The following TRAPPC2 variants were observed in gnomAD, a reference collection of about 807,000 sequenced individuals.
TRAPPC2 encodes the protein sedlin.
A neutral mutation model predicts 10.0 loss-of-function variants in TRAPPC2; 4 were observed. That is an observed-to-expected ratio of 0.40 (90% CI 0.20 to 0.92). The LOEUF is 0.92. Ranked by LOEUF, TRAPPC2 falls within the 40% of genes least tolerant of loss-of-function variation. The pLI, the probability that TRAPPC2 is intolerant of heterozygous loss-of-function variation, is 0.35. For missense variants in TRAPPC2, 52 were observed against 108.7 expected (o/e 0.48, Z 2.32); for synonymous variants, 36 against 37.3 (o/e 0.97, Z 0.12).
At chrX:13,729,043 A>G (rs2046615364) in intron 2 of TRAPPC2, among the ~76,000 whole-genome samples, 1 of 111,872 alleles carries the variant, frequency 8.9e-6, no homozygotes, top group African/African-American at 3.3e-5. Context: ...CTTACAAGGG[A>G]CGTGAAGGAC....
intron 2 of TRAPPC2, 117 bp from the exon 3 acceptor site, chrX:13,720,099 C>G: frequency 2.0e-6 from 1 of 505,940 alleles, no homozygotes; most frequent in Non-Finnish European, 3.0e-6. Flanking sequence ...GAGGAAGATG[C>G]TACTAAGCTT....
At chrX:13,716,339 CTT>C in intron 4 of TRAPPC2, 193 bp downstream of exon 4, 1 of 574,368 alleles carries the variant, frequency 1.7e-6, no homozygotes, top group South Asian at 3.2e-5. Flanking sequence ...GTGTATGAGA[CTT>C]AGTTTTAAAA....
chrX:13,718,089 C>G (rs911748885), intron 3 of TRAPPC2, among the ~76,000 whole-genome samples: 6 of 112,399 alleles, frequency 5.3e-5, no homozygotes, highest in Non-Finnish European at 1.1e-4. Flanking sequence ...AGCATGGCCC[C>G]ACTGACACCT....
chrX:13,714,143 G>GAAAAAAAAAAAAAAA lies in TRAPPC2; in HGVS notation c.*249_*263dup, dbSNP rs1057515794. 2 of 57,932 alleles carry GAAAAAAAAAAAAAAA rather than the reference G, an allele frequency of 3.5e-5. No individual in the cohort carries two copies. The highest frequency in any genetic ancestry group is 3.1e-5 in the Non-Finnish European group (1 of 31,781). The allele number at this position is 57,932 out of a possible 1,213,427, so 4.8% of individuals were successfully genotyped here. A position where few individuals can be genotyped will look rare whatever the true frequency, so the allele number is the denominator to read the frequency against. On this transcript the variant is annotated 3_prime_UTR_variant, in exon 6 of 6. Coordinates refer to ENST00000380579, the MANE Select transcript of TRAPPC2 (RefSeq NM_001011658.4). ...GGCAACAGAGTGAGACTCTGTATCA[G>GAAAAAAAAAAAAAAA]AAAAAAAAAAAAAAAAAAAACATGA...
chrX:13,721,083 A>G (rs1270325921), intron 2 of TRAPPC2: 1 of 109,201 alleles, frequency 9.2e-6, no homozygotes, highest in Admixed American at 9.8e-5. Flanking sequence ...AACTGGGGGG[A>G]AAAATATAAG....
chrX:13,719,554 C>T (rs1042945119), intron 3 of TRAPPC2, among the ~76,000 whole-genome samples: 1 of 111,993 alleles, frequency 8.9e-6, no homozygotes, highest in Admixed American at 9.5e-5. Flanking sequence ...ACAGCCTGGA[C>T]TTTCATGGTA....
In TRAPPC2 at chrX:13,714,510, G is replaced by C. The variant is rs2046258770; in HGVS notation, c.325-5C>G. Reference sequence around the variant, plus strand: ...ATAAAATGGATTCATTGAAAACTAGGAAAGAAGAAAGTATTAGTGAAGCAA... The same window carrying C: ...ATAAAATGGATTCATTGAAAACTAGCAAAGAAGAAAGTATTAGTGAAGCAA... On this transcript the variant is annotated splice_region_variant and splice_polypyrimidine_tract_variant and intron_variant, in intron 5 of 5. Coordinates refer to ENST00000380579, the MANE Select transcript of TRAPPC2 (RefSeq NM_001011658.4). 1 of 1,022,879 alleles carries C rather than the reference G, an allele frequency of 9.8e-7. No homozygotes were observed. Among genetic ancestry groups the C allele is most frequent in the Non-Finnish European group, 1.3e-6 (1 of 754,408 alleles). 84.3% of individuals were successfully genotyped at this position (1,022,879 alleles called of 1,213,427 possible). A position where few individuals can be genotyped will look rare whatever the true frequency, so the allele number is the denominator to read the frequency against.
chrX:13,717,260 GTGA>G (rs766571741), intron 3 of TRAPPC2, among the ~76,000 whole-genome samples: 1 of 110,853 alleles, frequency 9.0e-6, no homozygotes, highest in East Asian at 2.8e-4. Flanking sequence ...GTAGTGGGAG[GTGA>G]TGCTCAGCCC....
At chrX:13,717,380 T>C (rs2046318880) in intron 3 of TRAPPC2, among the ~76,000 whole-genome samples, 2 of 112,227 alleles carry the variant, frequency 1.8e-5, no homozygotes, top group Admixed American at 1.9e-4. Context: ...GGTGGGACTG[T>C]CTGACCATAA....
At chrX:13,721,004 G>C (rs1247166708) in intron 2 of TRAPPC2, 3 of 93,440 alleles carry the variant, frequency 3.2e-5, no homozygotes, top group African/African-American at 1.2e-4. Flanking sequence ...TCCAGTCTAA[G>C]TGACAAAATG....
chrX:13,716,726 C>T (rs763308971), intron 3 of TRAPPC2, 48 bp from the exon 4 acceptor site: 15 of 1,176,665 alleles, frequency 1.3e-5, no homozygotes, highest in Middle Eastern at 2.3e-4. Context: ...CATATGGCAT[C>T]GAGAATGCTG....
chrX:13,733,461 C>A (rs770398707), intron 2 of TRAPPC2, among the ~76,000 whole-genome samples: 15 of 112,117 alleles, frequency 1.3e-4, no homozygotes, highest in African/African-American at 4.5e-4. Flanking sequence ...GCAACCACTA[C>A]CCATCCTTTA....
chrX:13,728,041 C>G (rs1341222338), intron 2 of TRAPPC2, among the ~76,000 whole-genome samples: 2 of 112,074 alleles, frequency 1.8e-5, no homozygotes, highest in Non-Finnish European at 3.8e-5. Flanking sequence ...TCTCCCAAGG[C>G]TAAACCAGGA....
chrX:13,728,904 C>T (rs928247107), intron 2 of TRAPPC2, among the ~76,000 whole-genome samples: 11 of 112,133 alleles, frequency 9.8e-5, no homozygotes, highest in Admixed American at 9.4e-5. Context: ...TCAGCAAAGT[C>T]GCAGGATACA....
intron 2 of TRAPPC2, among the ~76,000 whole-genome samples, chrX:13,722,541 C>T (rs1362892569): frequency 9.0e-6 from 1 of 111,359 alleles, no homozygotes; most frequent in Non-Finnish European, 1.9e-5. Flanking sequence ...TCAGTTCTGC[C>T]AAGGAAAAAC....
At chrX:13,727,759 C>T (rs1569086073) in intron 2 of TRAPPC2, among the ~76,000 whole-genome samples, 1 of 111,805 alleles carries the variant, frequency 8.9e-6, no homozygotes, top group East Asian at 2.8e-4. Context: ...CAGAGCAGAA[C>T]TGAAAGAGAT....
Position 13,729,769 on chromosome X carries a change from G to A in TRAPPC2, c.-20+4275C>T, listed in dbSNP as rs374519388. Among the ~76,000 whole-genome samples the A allele has an allele frequency of 1.4e-4, 16 of 111,302 alleles. No homozygotes were observed. The East Asian group carries it at 2.3e-3, about 16-fold the overall frequency. ...ACTAAAAATACAAACTTAGCCGGGCGTGGTGGCACATGCCTGTAATCCCTG... is the reference window on the plus strand; with the variant it reads ...ACTAAAAATACAAACTTAGCCGGGCATGGTGGCACATGCCTGTAATCCCTG... On this transcript the variant is annotated intron_variant, in intron 2 of 5. Coordinates refer to ENST00000380579, the MANE Select transcript of TRAPPC2 (RefSeq NM_001011658.4).
rs980450702 is a variant in TRAPPC2, at chrX:13,734,532, G to T, written c.-169C>A. 4.6e-5 allele frequency: 14 copies of T among 304,511 alleles called. No homozygotes were observed. The highest frequency in any genetic ancestry group is 6.4e-5 in the Non-Finnish European group (13 of 203,180). 25.1% of individuals were successfully genotyped at this position (304,511 alleles called of 1,213,427 possible). A position where few individuals can be genotyped will look rare whatever the true frequency, so the allele number is the denominator to read the frequency against. On this transcript the variant is annotated 5_prime_UTR_variant, in exon 1 of 6. Transcript: ENST00000380579. ...ACTTGCTCCATTCCCTACCTGCAGT[G>T]GGAGGCCGACAACGGAAACGCAATG...
chrX:13,720,098 G>T, intron 2 of TRAPPC2, 116 bp from the exon 3 acceptor site: 3 of 504,354 alleles, frequency 5.9e-6, no homozygotes, highest in East Asian at 4.0e-5. Context: ...AGAGGAAGAT[G>T]CTACTAAGCT....
Sources: gnomAD v4.1 joint callset for allele counts (sites outside exome capture counted in the v4.1 genomes callset) on GRCh38, gnomAD v4.1.1 for gene constraint, MANE v1.5 for transcripts, NCBI Gene and HGNC (gene_info 2026-07-23, HGNC 2026-07-21) for gene names.